Variants in KSR2 observed in about 807,000 individuals in gnomAD.
KSR2 encodes the protein kinase suppressor of ras 2.
Under a neutral mutation model 107.8 loss-of-function variants are expected in KSR2, and 25 were observed. That is an observed-to-expected ratio of 0.23 (90% CI 0.17 to 0.32). KSR2 has a LOEUF of 0.32. KSR2 is among the 10% of genes least tolerant of loss of function. The pLI is 1.00. For missense variants in KSR2, 887 were observed against 1,268.9 expected (o/e 0.70, Z 4.57); for synonymous variants, 480 against 507.0 (o/e 0.95, Z 0.71).
At chr12:117,596,473 C>T (rs1467302728) in intron 5 of KSR2, among the ~76,000 whole-genome samples, 2 of 152,200 alleles carry the variant, frequency 1.3e-5, no homozygotes, top group African/African-American at 4.8e-5. Context: ...CCACTTCCCA[C>T]CTGCCATAAC....
intron 5 of KSR2, among the ~76,000 whole-genome samples, chr12:117,635,385 T>A (rs1003602858): frequency 2.6e-5 from 4 of 152,066 alleles, no homozygotes; most frequent in African/African-American, 7.3e-5. Context: ...GAGTTAGAAT[T>A]CCAATAAATA....
intron 3 of KSR2, among the ~76,000 whole-genome samples, chr12:117,761,996 T>TA (rs1048246167): frequency 4.6e-5 from 7 of 152,200 alleles, no homozygotes; most frequent in Non-Finnish European, 2.9e-5. Context: ...TACATTTACA[T>TA]AAAGCCAACC....
At chr12:117,888,259 A>T (rs1894237558) in intron 1 of KSR2, among the ~76,000 whole-genome samples, 1 of 152,174 alleles carries the variant, frequency 6.6e-6, no homozygotes, top group Admixed American at 6.5e-5. Flanking sequence ...ATATTCAAAG[A>T]CACAAACACA....
chr12:117,622,325 A>C (rs537860288), intron 5 of KSR2, among the ~76,000 whole-genome samples: 1 of 152,270 alleles, frequency 6.6e-6, no homozygotes, highest in South Asian at 2.1e-4. Context: ...CAGAGAGTCA[A>C]CACTGTTGAA....
chr12:117,754,131 A>G (rs1381765296), intron 4 of KSR2, among the ~76,000 whole-genome samples: 1 of 152,188 alleles, frequency 6.6e-6, no homozygotes, highest in African/African-American at 2.4e-5. Flanking sequence ...GACTAATCAT[A>G]GCAGTTCTAA....
At chr12:117,915,125 G>A (rs1434367051) in intron 1 of KSR2, among the ~76,000 whole-genome samples, 3 of 152,198 alleles carry the variant, frequency 2.0e-5, no homozygotes, top group Non-Finnish European at 4.4e-5. Flanking sequence ...TAAGCCCCAA[G>A]ACACTTATTA....
intron 1 of KSR2, among the ~76,000 whole-genome samples, chr12:117,870,548 G>A (rs1029120347): frequency 2.6e-5 from 4 of 151,964 alleles, no homozygotes; most frequent in Non-Finnish European, 4.4e-5. Flanking sequence ...GCAGTAAGCC[G>A]AGATCGCACC....
At chr12:117,626,632 A>C (rs910459532) in intron 5 of KSR2, among the ~76,000 whole-genome samples, 3 of 152,180 alleles carry the variant, frequency 2.0e-5, no homozygotes, top group African/African-American at 7.2e-5. Context: ...CAATTATGTG[A>C]TCAATTTTAG....
At chr12:117,876,785 T>C (rs546599879) in intron 1 of KSR2, among the ~76,000 whole-genome samples, 19 of 149,848 alleles carry the variant, frequency 1.3e-4, no homozygotes, top group African/African-American at 4.1e-4. Context: ...ATAACAATAT[T>C]TATATTATGC....
intron 3 of KSR2, among the ~76,000 whole-genome samples, chr12:117,816,690 C>G (rs1227230761): frequency 1.3e-5 from 2 of 152,180 alleles, no homozygotes; most frequent in East Asian, 3.9e-4. Context: ...ATCCTTGGAT[C>G]CTCAGTGCAC....
intron 4 of KSR2, among the ~76,000 whole-genome samples, chr12:117,753,784 C>T (rs1335940789): frequency 1.3e-5 from 2 of 150,868 alleles, no homozygotes; most frequent in Non-Finnish European, 2.9e-5. Flanking sequence ...TGTAACAAAC[C>T]TGCACTTGTA....
At chr12:117,658,861 A>G (rs571316540) in intron 5 of KSR2, among the ~76,000 whole-genome samples, 1 of 152,236 alleles carries the variant, frequency 6.6e-6, no homozygotes, top group East Asian at 1.9e-4. Context: ...AGATCGTGCA[A>G]CCTGGTGTCT....
intron 3 of KSR2, among the ~76,000 whole-genome samples, chr12:117,820,503 C>A (rs1041893806): frequency 5.9e-5 from 9 of 152,144 alleles, no homozygotes; most frequent in African/African-American, 2.2e-4. Flanking sequence ...TAAGCCTAAT[C>A]GGATAAATCA....
intron 5 of KSR2, among the ~76,000 whole-genome samples, chr12:117,637,422 C>A (rs377707882): frequency 3.3e-5 from 5 of 152,104 alleles, no homozygotes; most frequent in African/African-American, 1.2e-4. Context: ...CTCAGGGTAG[C>A]CCCTACCACA....
At chr12:117,928,784 C>T (rs559069552) in intron 1 of KSR2, among the ~76,000 whole-genome samples, 1 of 152,276 alleles carries the variant, frequency 6.6e-6, no homozygotes, top group Non-Finnish European at 1.5e-5. Context: ...TATTTACAAG[C>T]CAGGCACTTG....
intron 1 of KSR2, among the ~76,000 whole-genome samples, chr12:117,873,659 C>T (rs1448195776): frequency 2.0e-5 from 3 of 152,054 alleles, no homozygotes; most frequent in African/African-American, 7.2e-5. Context: ...TGGGGTTTCA[C>T]CATGTTGGCC....
chr12:117,785,602 T>C (rs1229680426), intron 3 of KSR2, among the ~76,000 whole-genome samples: 1 of 151,844 alleles, frequency 6.6e-6, no homozygotes, highest in Non-Finnish European at 1.5e-5. Flanking sequence ...TATTAAAAAA[T>C]AACCAAATGA....
chr12:117,646,222 T>C (rs1199787184), intron 5 of KSR2, among the ~76,000 whole-genome samples: 1 of 152,178 alleles, frequency 6.6e-6, no homozygotes, highest in African/African-American at 2.4e-5. Flanking sequence ...GTAGGTTAAA[T>C]CCATGGATGT....
At chr12:117,492,197 G>C (rs149797891) in intron 14 of KSR2, among the ~76,000 whole-genome samples, 5 of 152,346 alleles carry the variant, frequency 3.3e-5, no homozygotes, top group African/African-American at 9.6e-5. Flanking sequence ...GTGACACAGA[G>C]AGCCTTTGGC....
Sources: gnomAD v4.1 joint callset for allele counts (sites outside exome capture counted in the v4.1 genomes callset) on GRCh38, gnomAD v4.1.1 for gene constraint, MANE v1.5 for transcripts, NCBI Gene and HGNC (gene_info 2026-07-23, HGNC 2026-07-21) for gene names.